TFDP1: variants seen among roughly 807,000 people sequenced by gnomAD.
The protein encoded by TFDP1 is transcription factor Dp-1, also known as DRTF1-polypeptide 1.
Under a neutral mutation model 48.0 loss-of-function variants are expected in TFDP1, and 6 were observed. The observed-to-expected ratio is 0.13, with a 90% CI of 0.07 to 0.25. The LOEUF is 0.25. Ranked by LOEUF, TFDP1 falls within the 10% of genes least tolerant of loss-of-function variation. TFDP1 has a pLI of 1.00. For missense variants in TFDP1, 335 were observed against 543.0 expected, an observed-to-expected ratio of 0.62 and a Z score of 3.81; for synonymous variants, 201 against 211.6, an observed-to-expected ratio of 0.95 and a Z score of 0.44.
At chr13:113,588,298 T>C (rs1171785454) in intron 2 of TFDP1, among the ~76,000 whole-genome samples, 1 of 152,214 alleles carries the variant, frequency 6.6e-6, no homozygotes, top group African/African-American at 2.4e-5. Flanking sequence ...TAGAGGGCCA[T>C]GAGGGGCCAC....
In TFDP1 at chr13:113,591,009, C is replaced by CA. The variant is rs71101595; in HGVS notation, c.12+5181dup. On this transcript the variant is annotated intron_variant, in intron 2 of 11. Coordinates refer to ENST00000375370, the MANE Select transcript of TFDP1 (RefSeq NM_007111.5). ...TGGGCGACAGAGCGAGACTCTGTCT[C>CA]AAAAAAAAAAAAAAAAAAAAAGAAA... 6.6e-3 allele frequency among the ~76,000 whole-genome samples: 394 copies of CA among 59,516 alleles called. 16 individuals carry two copies. The highest frequency in any genetic ancestry group is 0.02 in the East Asian group (37 of 1,834). 39.0% of individuals were successfully genotyped at this position (59,516 alleles called of 152,430 possible).
intron 2 of TFDP1, among the ~76,000 whole-genome samples, chr13:113,609,051 C>T (rs1054156084): frequency 5.3e-5 from 8 of 152,232 alleles, no homozygotes; most frequent in South Asian, 2.1e-4. Context: ...CATCGTTGAC[C>T]GCACGTCATG....
In TFDP1 at chr13:113,627,422, G is replaced by C. The variant is rs1053865212; in HGVS notation, c.186+4136G>C. On this transcript the variant is annotated intron_variant, in intron 4 of 11. Transcript: ENST00000375370. The surrounding 1 kb of genome is among the most constrained non-coding windows in gnomAD (Gnocchi z 4.1). ...CACCCAGGCCTGTGTCCCAGAAGTC[G>C]GCATCTGTGGTCGCAGTGGCCTTTC... 1.3e-5 allele frequency among the ~76,000 whole-genome samples: 2 copies of C among 152,184 alleles called. No homozygotes were observed. Among genetic ancestry groups the C allele is most frequent in the African/African-American group, 4.8e-5 (2 of 41,442 alleles).
intron 2 of TFDP1, among the ~76,000 whole-genome samples, chr13:113,595,962 G>A (rs543767873): frequency 1.5e-4 from 23 of 152,306 alleles, no homozygotes; most frequent in Middle Eastern, 6.8e-3. Flanking sequence ...GGCACCTGTA[G>A]TCCCAGCTAC....
At chr13:113,631,981 G>A (rs1053514295) in intron 5 of TFDP1, 3 of 531,234 alleles carry the variant, frequency 5.6e-6, no homozygotes, top group East Asian at 3.3e-5. Context: ...TGTGTCTGGT[G>A]TAGTGGGTGC....
intron 4 of TFDP1, among the ~76,000 whole-genome samples, chr13:113,625,936 T>TC (rs2049159973): frequency 9.9e-6 from 1 of 101,250 alleles, no homozygotes; most frequent in Non-Finnish European, 2.2e-5. Flanking sequence ...CCTCAGGTGT[T>TC]TCTCAGGCGT....
intron 2 of TFDP1, among the ~76,000 whole-genome samples, chr13:113,593,645 C>T (rs2048206328): frequency 7.6e-6 from 1 of 131,312 alleles, no homozygotes; most frequent in Non-Finnish European, 1.6e-5. Context: ...GGTCCTCACC[C>T]ACCCAGGTGA....
At position 113,598,693 on chromosome 13, in the gene TFDP1, CT is replaced by C. The variant is rs1424357673; in HGVS notation, c.13-12300del. Reference sequence around the variant, plus strand: ...CCTCCTGGGTGGAGTCTGCGTCCCCCTTTCCTGGTCATTTAAGTTGCGTGGG... The same window carrying C: ...CCTCCTGGGTGGAGTCTGCGTCCCCCTTCCTGGTCATTTAAGTTGCGTGGG... On this transcript the variant is annotated intron_variant, in intron 2 of 11. Transcript: ENST00000375370. The surrounding 1 kb of genome is among the most constrained non-coding windows in gnomAD (Gnocchi z 4.2). Among the ~76,000 whole-genome samples, 1 of 152,204 alleles carries C rather than the reference CT, an allele frequency of 6.6e-6. No homozygotes were observed. The highest frequency in any genetic ancestry group is 1.5e-5 in the Non-Finnish European group (1 of 68,034).
chr13:113,625,084 GTC>G (rs1326018499), intron 4 of TFDP1, among the ~76,000 whole-genome samples: 50 of 95,320 alleles, frequency 5.2e-4, no homozygotes, highest in African/African-American at 3.0e-3. Flanking sequence ...GTCCTCAGGT[GTC>G]TCTCACGTGT....
At chr13:113,589,293 C>T (rs918406620) in intron 2 of TFDP1, among the ~76,000 whole-genome samples, 5 of 152,202 alleles carry the variant, frequency 3.3e-5, no homozygotes, top group African/African-American at 9.7e-5. Context: ...AGCTGCCATA[C>T]GGCCACCTGG....
chr13:113,601,274 C>G (rs983502953), intron 2 of TFDP1, among the ~76,000 whole-genome samples: 1 of 146,032 alleles, frequency 6.8e-6, no homozygotes, highest in Middle Eastern at 3.3e-3. Flanking sequence ...TCAGCCTGTC[C>G]CGGGCGGCCC....
At chr13:113,621,092 C>T (rs982827546) in intron 3 of TFDP1, among the ~76,000 whole-genome samples, 3 of 152,218 alleles carry the variant, frequency 2.0e-5, no homozygotes, top group Admixed American at 6.5e-5. Context: ...AACTTCAGAT[C>T]GCAAAGGCAA....
rs757418338 is a variant in TFDP1, at chr13:113,631,660, C to T, written c.224C>T (p.Thr75Ile). ...CCTCAGAGACCGGCAGCGTCAAACACCCTGGTGGTAGGAAGCCCACACACC... is the reference window on the plus strand; with the variant it reads ...CCTCAGAGACCGGCAGCGTCAAACATCCTGGTGGTAGGAAGCCCACACACC... ...GTPQRPAASN[T>I]LVVGSPHTPS... Residue 75 changes from threonine to isoleucine, a missense_variant, in exon 5 of 12, where the codon ACC becomes ATC. Transcript: ENST00000375370. 1 of 1,614,158 alleles carries T rather than the reference C, an allele frequency of 6.2e-7. No individual in the cohort carries two copies. Among genetic ancestry groups the T allele is most frequent in the East Asian group, 2.2e-5 (1 of 44,876 alleles).
intron 4 of TFDP1, among the ~76,000 whole-genome samples, chr13:113,628,214 T>C: frequency 6.8e-6 from 1 of 146,406 alleles, no homozygotes; most frequent in South Asian, 2.1e-4. Flanking sequence ...AAAGACTGTC[T>C]GGAGCCGTGT....
chr13:113,603,324 A>G (rs2048486798), intron 2 of TFDP1, among the ~76,000 whole-genome samples: 1 of 152,206 alleles, frequency 6.6e-6, no homozygotes, highest in South Asian at 2.1e-4. Context: ...CCCCCTGGAC[A>G]CACCCTGGCG....
At chr13:113,606,655 C>T (rs567940155) in intron 2 of TFDP1, among the ~76,000 whole-genome samples, 1 of 152,312 alleles carries the variant, frequency 6.6e-6, no homozygotes, top group African/African-American at 2.4e-5. Flanking sequence ...GTTCACCTGC[C>T]TCCAGTGCTG....
At chr13:113,605,191 T>C (rs976879366) in intron 2 of TFDP1, among the ~76,000 whole-genome samples, 1 of 152,052 alleles carries the variant, frequency 6.6e-6, no homozygotes, top group Admixed American at 6.6e-5. Flanking sequence ...GGGGTCACCT[T>C]CCAGGAAAGG....
intron 4 of TFDP1, among the ~76,000 whole-genome samples, chr13:113,629,897 G>T (rs778181938): frequency 4.6e-5 from 7 of 152,212 alleles, no homozygotes; most frequent in Non-Finnish European, 1.0e-4. Context: ...GGGGAAGGGA[G>T]TGGACCCATG....
chr13:113,637,315 C>T (rs1180043049), intron 10 of TFDP1: 3 of 273,684 alleles, frequency 1.1e-5, no homozygotes, highest in Non-Finnish European at 2.1e-5. Context: ...TAGATTTATT[C>T]CCTGAGAGGG....
Sources: allele counts gnomAD v4.1 joint callset (sites outside exome capture counted in the v4.1 genomes callset), GRCh38; gene constraint gnomAD v4.1.1; non-coding constraint Gnocchi (gnomAD v3.1); transcripts MANE v1.5; gene names NCBI Gene and HGNC (gene_info 2026-07-23, HGNC 2026-07-21).